The following ZFAT variants were observed in gnomAD, a reference collection of about 807,000 sequenced individuals.
The protein encoded by ZFAT is zinc finger protein ZFAT.
In ZFAT, 64 loss-of-function variants were observed where a neutral mutation model predicts 117.7. The ratio of observed to expected loss-of-function variants is 0.54; its 90% CI spans 0.44 to 0.67. The LOEUF is 0.67. Ranked by LOEUF, ZFAT falls within the 30% of genes least tolerant of loss-of-function variation. The probability of loss-of-function intolerance (pLI) is 0.00; values close to 1 mark genes in which losing one functional copy is unlikely to be tolerated. For missense variants in ZFAT, 1,433 were observed against 1,584.5 expected (o/e 0.90, Z 1.62); for synonymous variants, 679 against 615.0 (o/e 1.10, Z -1.54).
At chr8:134,601,272 A>G (rs1030417241) in intron 6 of ZFAT, among the ~76,000 whole-genome samples, 4 of 152,206 alleles carry the variant, frequency 2.6e-5, no homozygotes, top group Non-Finnish European at 5.9e-5. Flanking sequence ...AGGCCAACAC[A>G]GTCAACTGTG....
In ZFAT at chr8:134,536,832, C is replaced by T. The variant is rs143780686; in HGVS notation, c.2977-3860G>A. Among the ~76,000 whole-genome samples, 347 of 152,274 alleles carry T rather than the reference C, an allele frequency of 2.3e-3. 2 individuals are homozygous for T. Among genetic ancestry groups the T allele is most frequent in the Middle Eastern group, 0.017 (5 of 294 alleles). Reference sequence around the variant, plus strand: ...GCAAACTAAATCATAGACAGAAACTCGCAAACAACAAATGACACTAGATCT... The same window carrying T: ...GCAAACTAAATCATAGACAGAAACTTGCAAACAACAAATGACACTAGATCT... On this transcript the variant is annotated intron_variant, in intron 11 of 15. Coordinates refer to ENST00000377838, the MANE Select transcript of ZFAT (RefSeq NM_020863.4).
chr8:134,578,229 A>G (rs1333134702), intron 10 of ZFAT, among the ~76,000 whole-genome samples: 1 of 152,032 alleles, frequency 6.6e-6, no homozygotes, highest in African/African-American at 2.4e-5. Context: ...ACTGCCCAGC[A>G]TGGTGAAACC....
At position 134,597,268 on chromosome 8, in the gene ZFAT, C is replaced by T. The variant is rs912583513; in HGVS notation, c.2475+3168G>A. Reference sequence around the variant, plus strand: ...AAAAATAATTTGCAGGCTCAAAAGACAAATGTCTAAACTAAAAATCCTGGA... The same window carrying T: ...AAAAATAATTTGCAGGCTCAAAAGATAAATGTCTAAACTAAAAATCCTGGA... On this transcript the variant is annotated intron_variant, in intron 7 of 15. Coordinates refer to ENST00000377838, the MANE Select transcript of ZFAT (RefSeq NM_020863.4). Among the ~76,000 whole-genome samples the T allele has an allele frequency of 2.6e-5, 4 of 151,890 alleles. 1 individual carries two copies. Among genetic ancestry groups the T allele is most frequent in the Non-Finnish European group, 1.5e-5 (1 of 67,962 alleles).
At chr8:134,564,926 C>A in intron 11 of ZFAT, 5 of 1,204,214 alleles carry the variant, frequency 4.2e-6, no homozygotes, top group Non-Finnish European at 5.3e-6. Flanking sequence ...AACACAATCT[C>A]CAGTTTTTAC....
At chr8:134,549,324 C>G (rs1341393205) in intron 11 of ZFAT, among the ~76,000 whole-genome samples, 1 of 151,992 alleles carries the variant, frequency 6.6e-6, no homozygotes, top group African/African-American at 2.4e-5. Flanking sequence ...ACCTGTACTC[C>G]CAGCTATTCA....
chr8:134,577,861 A>G (rs994907093), intron 10 of ZFAT, among the ~76,000 whole-genome samples: 1 of 152,166 alleles, frequency 6.6e-6, no homozygotes, highest in Non-Finnish European at 1.5e-5. Flanking sequence ...GTAAATAAGG[A>G]AACTATATAA....
rs77782954 is a variant in ZFAT at position 134,519,093 on chromosome 8, T to C, written c.3234+1790A>G. Among the ~76,000 whole-genome samples, 1,062 of 152,314 alleles carry C rather than the reference T, an allele frequency of 7.0e-3. 13 individuals carry two copies. Among genetic ancestry groups the C allele is most frequent in the African/African-American group, 0.025 (1,020 of 41,568 alleles). On this transcript the variant is annotated intron_variant, in intron 13 of 15. Coordinates refer to ENST00000377838, the MANE Select transcript of ZFAT (RefSeq NM_020863.4). Reference sequence around the variant, plus strand: ...ATGGTTGTTATTCCCAAGGGTTTCCTAGTTAATTGTACTTACTCTTCCAAA... The same window carrying C: ...ATGGTTGTTATTCCCAAGGGTTTCCCAGTTAATTGTACTTACTCTTCCAAA...
Position 134,602,813 on chromosome 8 carries a change from G to C in ZFAT, c.906C>G (p.Pro302=), listed in dbSNP as rs1827609645. ...IHTNEKPYKC[P]QCSYASAIKA... Reference sequence around the variant, plus strand: ...TGATGGCACTGGCATAGCTGCACTGGGGGCACTTGTATGGCTTTTCATTGG... The same window carrying C: ...TGATGGCACTGGCATAGCTGCACTGCGGGCACTTGTATGGCTTTTCATTGG... The change falls in exon 6 of 16, where the codon CCC becomes CCG. Residue 302 remains proline (P), a synonymous_variant. Transcript: ENST00000377838. The C allele has an allele frequency of 6.2e-7, 1 of 1,614,088 alleles. No individual in the cohort carries two copies. The highest frequency in any genetic ancestry group is 8.5e-7 in the Non-Finnish European group (1 of 1,180,050).
At chr8:134,743,954 A>G in the ZFAT span, among the ~76,000 whole-genome samples, 2 of 152,224 alleles carry the variant, frequency 1.3e-5, no homozygotes, top group Non-Finnish European at 2.9e-5. Context: ...CGAGAGGGTG[A>G]CAAGGACAGG....
At chr8:134,556,798 C>A (rs1823658859) in intron 11 of ZFAT, among the ~76,000 whole-genome samples, 1 of 152,080 alleles carries the variant, frequency 6.6e-6, no homozygotes, top group South Asian at 2.1e-4. Context: ...AAAAGAAGTT[C>A]TCCAAGCTAA....
the ZFAT span, among the ~76,000 whole-genome samples, chr8:134,817,394 TACACACACACACACACACAC>T: frequency 8.7e-5 from 11 of 125,980 alleles, no homozygotes; most frequent in Admixed American, 1.5e-4. Context: ...TCTCTCTCTC[TACACACACACACACACACAC>T]ACACACACAC....
the ZFAT span, among the ~76,000 whole-genome samples, chr8:134,827,542 C>T: frequency 2.6e-5 from 4 of 151,968 alleles, no homozygotes; most frequent in Admixed American, 6.6e-5. Context: ...CCCAGGAGGG[C>T]GGATCACCTG....
intron 2 of ZFAT, among the ~76,000 whole-genome samples, chr8:134,648,802 C>A (rs924857018): frequency 1.3e-5 from 2 of 151,920 alleles, no homozygotes; most frequent in Non-Finnish European, 2.9e-5. Flanking sequence ...CCACTATTAC[C>A]CTGAAACCAA....
intron 9 of ZFAT, among the ~76,000 whole-genome samples, chr8:134,585,024 G>C (rs1825971383): frequency 6.6e-6 from 1 of 152,180 alleles, no homozygotes; most frequent in Non-Finnish European, 1.5e-5. Context: ...TGGGTTTCTA[G>C]AGATGAAGTA....
chr8:134,719,726 C>T, the ZFAT span, among the ~76,000 whole-genome samples: 2 of 152,188 alleles, frequency 1.3e-5, no homozygotes, highest in East Asian at 1.9e-4. Context: ...ACAGAACCAT[C>T]GCTTCCAGCT....
intron 1 of ZFAT, among the ~76,000 whole-genome samples, chr8:134,680,302 T>G (rs1044641771): frequency 6.6e-6 from 1 of 151,348 alleles, no homozygotes; most frequent in Non-Finnish European, 1.5e-5. Context: ...CAAAGTCACT[T>G]GTGGGGAAAG....
the ZFAT span, among the ~76,000 whole-genome samples, chr8:134,774,720 C>A: frequency 1.3e-5 from 2 of 152,142 alleles, no homozygotes. Flanking sequence ...AGAACAGAAC[C>A]CACAATATTT....
intron 2 of ZFAT, among the ~76,000 whole-genome samples, chr8:134,644,511 T>A (rs1346460686): frequency 6.6e-6 from 1 of 151,062 alleles, no homozygotes; most frequent in East Asian, 2.0e-4. Flanking sequence ...TACACAATCA[T>A]ACACACATAC....
intron 15 of ZFAT, among the ~76,000 whole-genome samples, chr8:134,498,284 G>A (rs1252387578): frequency 1.7e-4 from 25 of 148,538 alleles, no homozygotes; most frequent in African/African-American, 6.4e-4. Flanking sequence ...TGATGCCCCT[G>A]CTGCTGGTTA....
Sources: gnomAD v4.1 joint callset for allele counts (sites outside exome capture counted in the v4.1 genomes callset) on GRCh38, gnomAD v4.1.1 for gene constraint, MANE v1.5 for transcripts, NCBI Gene and HGNC (gene_info 2026-07-23, HGNC 2026-07-21) for gene names.